The following ABCA7 variants were observed in gnomAD, a reference collection of about 807,000 sequenced individuals.
The protein encoded by ABCA7 is ATP binding cassette subfamily A member 7.
A neutral mutation model predicts 227.6 loss-of-function variants in ABCA7; 261 were observed. That is an observed-to-expected ratio of 1.15 (90% CI 1.04 to 1.27). ABCA7 has a LOEUF of 1.27. Among genes scored for constraint, ABCA7 ranks in the 50% most tolerant of loss-of-function variants. The pLI is 0.00. For missense variants in ABCA7, 3,331 were observed against 2,924.5 expected (o/e 1.14, Z -3.21); for synonymous variants, 1,488 against 1,279.7 (o/e 1.16, Z -3.47).
chr19:1,060,209 T>C (rs905150), intron 40 of ABCA7, among the ~76,000 whole-genome samples: 1 of 33,846 alleles, frequency 3.0e-5, no homozygotes, highest in East Asian at 3.5e-4. Flanking sequence ...ATATATATAT[T>C]TTTTTTTCTT....
In ABCA7 at chr19:1,054,298, G is replaced by A. The variant is rs537478743; in HGVS notation, c.3683G>A (p.Arg1228His). 329 of 1,605,396 alleles carry A rather than the reference G, an allele frequency of 2.0e-4. 4 individuals carry two copies. The South Asian group carries it at 3.0e-3, about 15-fold the overall frequency. ...RQQLQALLLK[R>H]FLLARRSRRG... is the part of the protein sequence containing the mutation. ...CAGCTCCAGGCCCTGCTTCTCAAGC[G>A]CTTTCTGCTTGCCCGCCGCAGCCGC... is the stretch of plus-strand genomic sequence containing the variant. The change falls in exon 27 of 47, where the codon CGC (arginine) becomes CAC (histidine). Residue 1228 changes from arginine to histidine, a missense_variant. Coordinates refer to ENST00000263094, the MANE Select transcript of ABCA7 (RefSeq NM_019112.4). The surrounding 1 kb of genome is among the most constrained non-coding windows in gnomAD (Gnocchi z 4.8).
In ABCA7 at chr19:1,062,157, C is replaced by T. The variant is rs566397080; in HGVS notation, c.5571-15C>T. 451 of 1,610,060 alleles carry T rather than the reference C, an allele frequency of 2.8e-4. 5 individuals carry two copies. In the South Asian group the frequency reaches 4.7e-3, roughly 17 times the overall value. Reference sequence around the variant, plus strand: ...ACTAGCCAGCTCTCTGAGCCCCCGGCGCCCCCATCCCCAGCGTGGCCCGGG... The same window carrying T: ...ACTAGCCAGCTCTCTGAGCCCCCGGTGCCCCCATCCCCAGCGTGGCCCGGG... On this transcript the variant is annotated splice_polypyrimidine_tract_variant and intron_variant, in intron 41 of 46. Coordinates refer to ENST00000263094, the MANE Select transcript of ABCA7 (RefSeq NM_019112.4).
At position 1,046,443 on chromosome 19, in the gene ABCA7, C is replaced by T. The variant is rs200181675; in HGVS notation, c.1622+37C>T. The T allele has an allele frequency of 3.0e-4, 461 of 1,515,686 alleles. 1 individual carries two copies. The Middle Eastern group carries it at 8.6e-3, about 28-fold the overall frequency. 93.9% of individuals were successfully genotyped at this position (1,515,686 alleles called of 1,614,324 possible). A position where few individuals can be genotyped will look rare whatever the true frequency, so the allele number is the denominator to read the frequency against. On this transcript the variant is annotated intron_variant, in intron 13 of 46. Coordinates refer to ENST00000263094, the MANE Select transcript of ABCA7 (RefSeq NM_019112.4). ...CACCCCTCCCCGCTCTTCCCCGCGG[C>T]GGGAAGGTCCCGGGTGTGGGGGTGG...
chr19:1,054,792 A>T lies in ABCA7; in HGVS notation c.3864A>T (p.Pro1288=). ...CCCTCACACACAGTGAGGACGCCCCAGGGGACCCTGGACGTGCCCGGCTGC... is the reference window on the plus strand; with the variant it reads ...CCCTCACACACAGTGAGGACGCCCCTGGGGACCCTGGACGTGCCCGGCTGC... ...AQVSFFSEDA[P]GDPGRARLLE... The change falls in exon 29 of 47, where the codon CCA becomes CCT. Residue 1288 remains proline (P), a synonymous_variant. Coordinates refer to ENST00000263094, the MANE Select transcript of ABCA7 (RefSeq NM_019112.4). The surrounding 1 kb of genome is among the most constrained non-coding windows in gnomAD (Gnocchi z 4.8). 1.3e-6 allele frequency: 2 copies of T among 1,599,018 alleles called. No homozygotes were observed. The highest frequency in any genetic ancestry group is 1.7e-6 in the Non-Finnish European group (2 of 1,173,606).
At chr19:1,057,195 T>C (rs941501136) in intron 34 of ABCA7, 111 bp downstream of exon 34, 9 of 1,548,066 alleles carry the variant, frequency 5.8e-6, no homozygotes, top group Non-Finnish European at 7.9e-6. Context: ...GTCTTGAGGA[T>C]TGTGGGAGAC....
chr19:1,059,185 C>T, intron 40 of ABCA7, 100 bp downstream of exon 40: 2 of 1,293,174 alleles, frequency 1.5e-6, no homozygotes, highest in South Asian at 1.8e-5. Flanking sequence ...GTGTATCCAC[C>T]ACCTTTTATT....
In ABCA7 at chr19:1,065,014, C is replaced by A. The variant is rs1200307998; in HGVS notation, c.6128C>A (p.Pro2043His). ...GCGGCCTTCGTGGCGGCCGAGTTCC[C>A]TGGGGCGGAGCTGCGCGAGGCACAT... is the stretch of plus-strand genomic sequence containing the variant. ...PAAAFVAAEF[P>H]GAELREAHGG... is the part of the protein sequence containing the mutation. Residue 2043 changes from proline to histidine, a missense_variant, in exon 46 of 47, where the codon CCT (proline) becomes CAT (histidine). By Grantham distance (77) the Pro-to-His change is moderately conservative (BLOSUM62 -2). Transcript: ENST00000263094. The A allele has an allele frequency of 6.4e-7, 1 of 1,557,450 alleles. No homozygotes were observed. The highest frequency in any genetic ancestry group is 8.7e-7 in the Non-Finnish European group (1 of 1,152,594).
chr19:1,042,308 C>T lies in ABCA7; in HGVS notation c.416-7C>T. 6.3e-7 allele frequency: 1 copy of T among 1,574,974 alleles called. No individual in the cohort carries two copies. Among genetic ancestry groups the T allele is most frequent in the Non-Finnish European group, 8.7e-7 (1 of 1,154,530 alleles). On this transcript the variant is annotated splice_polypyrimidine_tract_variant and splice_region_variant and intron_variant, in intron 5 of 46. Transcript: ENST00000263094. ...CAGCCCCATGCTCCCGTGCGCTCCT[C>T]CCCCAGCCCAGCCTCAACCAACCAA... is the stretch of plus-strand genomic sequence containing the variant.
At chr19:1,050,782 AAATAATAAT>A (rs145363837) in intron 18 of ABCA7, 130 bp from the exon 19 acceptor site, 11,464 of 359,012 alleles carry the variant, frequency 0.032, 315 homozygotes, top group African/African-American at 0.092. Flanking sequence ...TCCGTCTCAA[AAATAATAAT>A]AATAATAATA....
intron 12 of ABCA7, chr19:1,045,688 A>G (rs1408448721): frequency 2.3e-5 from 3 of 132,224 alleles, no homozygotes; most frequent in African/African-American, 9.7e-5. Context: ...CACCAACCTC[A>G]CGAAAATATC....
Position 1,062,298 on chromosome 19 carries a change from GGCCCAGGTT to G in ABCA7, c.5706_5712+2del. On this transcript the variant is annotated inframe_deletion, in exon 42 of 47. Coordinates refer to ENST00000263094, the MANE Select transcript of ABCA7 (RefSeq NM_019112.4). ...TTGCGCGCCTGCGCGGTGTCCCGGA[GGCCCAGGTT>G]GCCCAGGTGAGCCCACTTTGTCCCC... The G allele has an allele frequency of 6.2e-7, 1 of 1,605,526 alleles. No homozygotes were observed. The highest frequency in any genetic ancestry group is 8.5e-7 in the Non-Finnish European group (1 of 1,179,530).
rs762638418 is a variant in ABCA7 at position 1,045,028 on chromosome 19, G to A, written c.1242G>A (p.Ala414=). Reference sequence around the variant, plus strand: ...GCCTGTCCTTGGACAAGCTGGAGGCGGCACCCTCAGAGGCAGCCCTGGTGT... The same window carrying A: ...GCCTGTCCTTGGACAAGCTGGAGGCAGCACCCTCAGAGGCAGCCCTGGTGT... ...TECLSLDKLE[A]APSEAALVSR... is the part of the protein sequence containing the mutation. The change falls in exon 12 of 47, where the codon GCG becomes GCA. Residue 414 remains alanine, a synonymous_variant. Transcript: ENST00000263094. 3 of 1,612,706 alleles carry A rather than the reference G, an allele frequency of 1.9e-6. No individual in the cohort carries two copies. The highest frequency in any genetic ancestry group is 2.5e-6 in the Non-Finnish European group (3 of 1,179,950).
intron 18 of ABCA7, 115 bp from the exon 19 acceptor site, chr19:1,050,805 AT>A: frequency 2.0e-6 from 1 of 509,830 alleles, no homozygotes; most frequent in Non-Finnish European, 2.7e-6. Flanking sequence ...AATAATAATA[AT>A]AATAATAATA....
At chr19:1,062,024 C>G (rs7254064) in intron 41 of ABCA7, 136 bp downstream of exon 41, 1 of 1,438,424 alleles carries the variant, frequency 7.0e-7, no homozygotes, top group Non-Finnish European at 9.4e-7. Flanking sequence ...CCCTGCACCT[C>G]TACCTCCCAC....
rs1271482543 is a variant in ABCA7 at position 1,054,541 on chromosome 19, A to G, written c.3727-29A>G. On this transcript the variant is annotated intron_variant, in intron 27 of 46. Coordinates refer to ENST00000263094, the MANE Select transcript of ABCA7 (RefSeq NM_019112.4). The surrounding 1 kb of genome is among the most constrained non-coding windows in gnomAD (Gnocchi z 4.8). ...GCAAGCAAGCCTGGAGGGTGGATGG[A>G]AGCAGCAGCTGATGGGCTGGTCCCC... 1 of 1,599,024 alleles carries G rather than the reference A, an allele frequency of 6.3e-7. No individual in the cohort carries two copies. Among genetic ancestry groups the G allele is most frequent in the Admixed American group, 1.7e-5 (1 of 59,820 alleles).
intron 42 of ABCA7, among the ~76,000 whole-genome samples, chr19:1,062,942 A>G (rs1214880510): frequency 1.7e-5 from 2 of 120,216 alleles, no homozygotes; most frequent in East Asian, 5.6e-4. Context: ...CTCCACCCAC[A>G]CCATGGCCCC....
Position 1,053,497 on chromosome 19 carries a change from C to T in ABCA7, c.3389C>T (p.Thr1130Ile). The stretch of plus-strand genomic sequence containing the variant: ...ACGCGGCTGGCGGAGCTGAGGCTCA[C>T]TGGCTACGGGATCTCCGACACCAGC... The part of the protein sequence containing the change: ...LDTRLAELRL[T>I]GYGISDTSLE... Residue 1130 changes from threonine (T) to isoleucine (I), a missense_variant, in exon 24 of 47, where the codon ACT (threonine) becomes ATT (isoleucine). Coordinates refer to ENST00000263094, the MANE Select transcript of ABCA7 (RefSeq NM_019112.4). 6.3e-7 allele frequency: 1 copy of T among 1,579,878 alleles called. No individual in the cohort carries two copies. Among genetic ancestry groups the T allele is most frequent in the Non-Finnish European group, 8.6e-7 (1 of 1,167,194 alleles).
chr19:1,041,301 G>A lies in ABCA7; in HGVS notation c.-61G>A, dbSNP rs2040008002. The stretch of plus-strand genomic sequence containing the variant: ...GCAGGGAGTTGCCCGCAGCCGCACC[G>A]CACGTCTTCAGCCCGACCGTTGTCC... On this transcript the variant is annotated 5_prime_UTR_variant, in exon 2 of 47. Coordinates refer to ENST00000263094, the MANE Select transcript of ABCA7 (RefSeq NM_019112.4). 6.4e-7 allele frequency: 1 copy of A among 1,558,792 alleles called. No homozygotes were observed. The highest frequency in any genetic ancestry group is 8.8e-7 in the Non-Finnish European group (1 of 1,131,570).
Position 1,054,429 on chromosome 19 carries a change from A to G in ABCA7, c.3726+88A>G. 6.5e-7 allele frequency: 1 copy of G among 1,548,300 alleles called. No homozygotes were observed. Among genetic ancestry groups the G allele is most frequent in the Non-Finnish European group, 8.7e-7 (1 of 1,149,086 alleles). ...ACTCAGTGGCCTAATCCAAACCCTT[A>G]CCCCCGTGTGTATTCCCAACCCAAA... On this transcript the variant is annotated intron_variant, in intron 27 of 46. Coordinates refer to ENST00000263094, the MANE Select transcript of ABCA7 (RefSeq NM_019112.4). The surrounding 1 kb of genome is among the most constrained non-coding windows in gnomAD (Gnocchi z 4.8).
Sources: allele counts gnomAD v4.1 joint callset (sites outside exome capture counted in the v4.1 genomes callset), GRCh38; gene constraint gnomAD v4.1.1; non-coding constraint Gnocchi (gnomAD v3.1); transcripts MANE v1.5; gene names NCBI Gene and HGNC (gene_info 2026-07-23, HGNC 2026-07-21).